The following GORAB variants were observed in gnomAD, a reference collection of about 807,000 sequenced individuals.
The protein encoded by GORAB is RAB6-interacting golgin.
Under a neutral mutation model 29.9 loss-of-function variants are expected in GORAB, and 17 were observed. The observed-to-expected ratio is 0.57, with a 90% CI of 0.39 to 0.85. The LOEUF (loss-of-function observed/expected upper bound fraction) is 0.85, where lower values mean the gene tolerates loss of function less well. Ranked by LOEUF, GORAB falls within the 40% of genes least tolerant of loss-of-function variation. The pLI, the probability that GORAB is intolerant of heterozygous loss-of-function variation, is 0.00. For missense variants in GORAB, 442 were observed against 437.8 expected (o/e 1.01, Z -0.09); for synonymous variants, 183 against 157.2 (o/e 1.16, Z -1.23).
chr1:170,539,031 A>G (rs1156536003), intron 1 of GORAB, 179 bp from the exon 2 acceptor site: 1 of 686,544 alleles, frequency 1.5e-6, no homozygotes, highest in Non-Finnish European at 2.4e-6. Context: ...TTATGATCTG[A>G]AAACTATTGA....
intron 4 of GORAB, among the ~76,000 whole-genome samples, chr1:170,546,055 A>G (rs891138924): frequency 6.6e-6 from 1 of 152,170 alleles, no homozygotes; most frequent in African/African-American, 2.4e-5. Flanking sequence ...AGCCTTTTAT[A>G]TGAATAATTC....
intron 1 of GORAB, among the ~76,000 whole-genome samples, chr1:170,537,155 CT>C (rs1649113143): frequency 6.6e-6 from 1 of 151,278 alleles, no homozygotes; most frequent in South Asian, 2.1e-4. Context: ...TTCTTTGTCT[CT>C]CTTTCTTTTA....
chr1:170,545,069 T>C, intron 4 of GORAB: 1 of 1,224,426 alleles, frequency 8.2e-7, no homozygotes, highest in Non-Finnish European at 1.0e-6. Flanking sequence ...TTAGAGCAGT[T>C]CTTGCATTAT....
intron 1 of GORAB, among the ~76,000 whole-genome samples, chr1:170,532,916 T>C (rs991508538): frequency 6.6e-6 from 1 of 152,202 alleles, no homozygotes; most frequent in Non-Finnish European, 1.5e-5. Flanking sequence ...TGGAGTAAGC[T>C]AACCTTGTGC....
At chr1:170,545,229 A>C (rs1347024111) in intron 4 of GORAB, 7 of 997,006 alleles carry the variant, frequency 7.0e-6, no homozygotes, top group Non-Finnish European at 8.4e-6. Flanking sequence ...CTTTCCATTA[A>C]AATTTTTGAT....
At chr1:170,544,560 T>A in intron 3 of GORAB, 145 bp from the exon 4 acceptor site, 2 of 588,520 alleles carry the variant, frequency 3.4e-6, no homozygotes, top group Non-Finnish European at 2.8e-6. Context: ...GCTTTTACTT[T>A]ATTTCAATTT....
chr1:170,539,261 T>G lies in GORAB; in HGVS notation c.113T>G (p.Leu38Arg), dbSNP rs781535204. Residue 38 changes from leucine (L) to arginine (R), a missense_variant, in exon 2 of 5, where the codon CTT becomes CGT. Leu to Arg is a moderately radical substitution (Grantham distance 102). Coordinates refer to ENST00000367763, the MANE Select transcript of GORAB (RefSeq NM_152281.3). ...RLPAKKSRQQ[L>R]QREKALVEQS... ...CCCGCGAAGAAAAGTCGACAACAAC[T>G]TCAGCGAGAAAAAGCCCTTGTAGAG... The G allele has an allele frequency of 8.1e-6, 13 of 1,614,132 alleles. No individual in the cohort carries two copies. The East Asian group carries it at 2.9e-4, about 36-fold the overall frequency.
chr1:170,535,689 T>C (rs1372171268), intron 1 of GORAB, among the ~76,000 whole-genome samples: 1 of 152,052 alleles, frequency 6.6e-6, no homozygotes, highest in Non-Finnish European at 1.5e-5. Context: ...TACAGCTGTG[T>C]GCCATTACAC....
rs78559701 is a variant in GORAB at position 170,548,106 on chromosome 1, G to A, written c.662+3261G>A. Among the ~76,000 whole-genome samples, 1,085 of 152,310 alleles carry A rather than the reference G, an allele frequency of 7.1e-3. 7 individuals are homozygous for A. The highest frequency in any genetic ancestry group is 0.012 in the Non-Finnish European group (791 of 68,020). On this transcript the variant is annotated intron_variant, in intron 4 of 4. Coordinates refer to ENST00000367763, the MANE Select transcript of GORAB (RefSeq NM_152281.3). ...AAATTACTTCTCTTTCATTTCTGGA[G>A]GCCACATATCCAAAATCAAGGTGTC...
chr1:170,533,598 G>C, intron 1 of GORAB: 1 of 453,014 alleles, frequency 2.2e-6, no homozygotes, highest in South Asian at 1.6e-5. Flanking sequence ...GGATTGGATG[G>C]AGCTTGGGAA....
At chr1:170,534,133 C>T (rs1377494608) in intron 1 of GORAB, among the ~76,000 whole-genome samples, 3 of 152,130 alleles carry the variant, frequency 2.0e-5, no homozygotes, top group African/African-American at 7.2e-5. Context: ...AAGTTGGAAA[C>T]AACCAAAGTG....
rs573547921 is a variant in GORAB, at chr1:170,553,434, A to G, written c.*972A>G. On this transcript the variant is annotated 3_prime_UTR_variant, in exon 5 of 5. Transcript: ENST00000367763. ...TGTAAATGTGTAAATAAATATTGTA[A>G]TTTTCTCACAAAGTCTGTGAATATC... is the stretch of plus-strand genomic sequence containing the variant. 5.2e-5 allele frequency: 23 copies of G among 446,112 alleles called. No homozygotes were observed. The highest frequency in any genetic ancestry group is 7.1e-4 in the Middle Eastern group (1 of 1,412). The allele number at this position is 446,112 out of a possible 1,614,324, so 27.6% of individuals were successfully genotyped here. A position where few individuals can be genotyped will look rare whatever the true frequency, so the allele number is the denominator to read the frequency against.
At position 170,553,418 on chromosome 1, in the gene GORAB, GTAAA is replaced by G. The variant is rs747009292; in HGVS notation, c.*963_*966del. 1.8e-5 allele frequency: 8 copies of G among 446,602 alleles called. No individual in the cohort carries two copies. The highest frequency in any genetic ancestry group is 1.4e-4 in the Admixed American group (6 of 41,452). 27.7% of individuals were successfully genotyped at this position (446,602 alleles called of 1,614,324 possible). ...AATACATTGTGCTATATGTAAATGT[GTAAA>G]TAAATATTGTAATTTTCTCACAAAG... On this transcript the variant is annotated 3_prime_UTR_variant, in exon 5 of 5. Coordinates refer to ENST00000367763, the MANE Select transcript of GORAB (RefSeq NM_152281.3).
At chr1:170,545,261 T>G in intron 4 of GORAB, 1 of 987,984 alleles carries the variant, frequency 1.0e-6, no homozygotes, top group Non-Finnish European at 1.2e-6. Context: ...TCCTATAGGA[T>G]TGAAGTCTAG....
At chr1:170,545,013 A>C (rs1649669657) in intron 4 of GORAB, 168 bp downstream of exon 4, 1 of 1,356,968 alleles carries the variant, frequency 7.4e-7, no homozygotes, top group South Asian at 2.1e-5. Context: ...TCTTCAGTGA[A>C]GTCTTCCTTA....
intron 2 of GORAB, 89 bp from the exon 3 acceptor site, chr1:170,542,402 T>A (rs749652154): frequency 1.3e-6 from 1 of 776,642 alleles, no homozygotes; most frequent in Non-Finnish European, 2.3e-6. Context: ...AATTTTATAC[T>A]TAGAGGACTG....
chr1:170,552,727 G>A lies in GORAB; in HGVS notation c.*265G>A, dbSNP rs1170328863. The A allele has an allele frequency of 3.9e-6, 2 of 518,864 alleles. No homozygotes were observed. Among genetic ancestry groups the A allele is most frequent in the East Asian group, 1.0e-4 (2 of 20,068 alleles). The allele number at this position is 518,864 out of a possible 1,614,324, so 32.1% of individuals were successfully genotyped here. On this transcript the variant is annotated 3_prime_UTR_variant, in exon 5 of 5. Transcript: ENST00000367763. ...TTACTGAAAGTAAGTGACTTAAAAG[G>A]ATGGAAGAAAAACTACATGGTTGGA...
intron 4 of GORAB, among the ~76,000 whole-genome samples, chr1:170,546,928 G>A (rs1015621147): frequency 1.3e-5 from 2 of 152,070 alleles, no homozygotes; most frequent in African/African-American, 2.4e-5. Context: ...CAGGTGATCC[G>A]CCTGCCTCAG....
chr1:170,532,901 GACTT>G (rs1278304134), intron 1 of GORAB, among the ~76,000 whole-genome samples: 2 of 152,210 alleles, frequency 1.3e-5, no homozygotes, highest in East Asian at 3.8e-4. Context: ...CAGTCTTACT[GACTT>G]TGGAGTAAGC....
Sources: gnomAD v4.1 joint callset for allele counts (sites outside exome capture counted in the v4.1 genomes callset) on GRCh38, gnomAD v4.1.1 for gene constraint, MANE v1.5 for transcripts, NCBI Gene and HGNC (gene_info 2026-07-23, HGNC 2026-07-21) for gene names.